Variants in ACOXL observed in about 807,000 individuals in gnomAD.
ACOXL encodes the protein acyl-coenzyme A oxidase-like protein.
Under a neutral mutation model 71.9 loss-of-function variants are expected in ACOXL, and 70 were observed. The observed-to-expected ratio is 0.97, with a 90% CI of 0.80 to 1.19. The LOEUF (loss-of-function observed/expected upper bound fraction) is 1.19, where lower values mean the gene tolerates loss of function less well. Among genes scored for constraint, ACOXL ranks in the 50% most tolerant of loss-of-function variants. The pLI is 0.00. For synonymous variants in ACOXL, 253 were observed against 281.6 expected, an observed-to-expected ratio of 0.90 and a Z score of 1.02; for missense variants, 703 against 736.3, an observed-to-expected ratio of 0.95 and a Z score of 0.52.
At chr2:110,875,696 G>T (rs1348711166) in intron 10 of ACOXL, among the ~76,000 whole-genome samples, 2 of 152,186 alleles carry the variant, frequency 1.3e-5, no homozygotes, top group Non-Finnish European at 2.9e-5. Context: ...TCCTGCAGTG[G>T]GCCCAGCTCT....
chr2:111,004,450 A>G (rs999920445), intron 14 of ACOXL, among the ~76,000 whole-genome samples: 2 of 152,132 alleles, frequency 1.3e-5, no homozygotes, highest in East Asian at 3.9e-4. Context: ...CTTTGCAATC[A>G]TTTGATAATG....
chr2:110,982,484 T>G (rs115003230), intron 12 of ACOXL, among the ~76,000 whole-genome samples: 1 of 152,052 alleles, frequency 6.6e-6, no homozygotes, highest in Non-Finnish European at 1.5e-5. Flanking sequence ...AGCCAGGGAA[T>G]TTTTAAAGAT....
chr2:110,940,273 G>A (rs1403996512), intron 12 of ACOXL, among the ~76,000 whole-genome samples: 1 of 152,178 alleles, frequency 6.6e-6, no homozygotes, highest in Non-Finnish European at 1.5e-5. Flanking sequence ...TGATCAAACA[G>A]AAAGGGTCTT....
chr2:111,054,224 G>T (rs2066427133), intron 16 of ACOXL, among the ~76,000 whole-genome samples: 1 of 152,196 alleles, frequency 6.6e-6, no homozygotes, highest in Non-Finnish European at 1.5e-5. Flanking sequence ...GGAAAATAAA[G>T]CTTGGCTTAT....
chr2:111,045,581 C>T lies in ACOXL; in HGVS notation c.1370-3637C>T, dbSNP rs2065976474. ...ACCCTGCAGAACTGTGTCAATTAAA[C>T]CTCTTTCCTTTATAAATTACCCACT... On this transcript the variant is annotated intron_variant, in intron 15 of 17. Transcript: ENST00000439055. Among the ~76,000 whole-genome samples the T allele has an allele frequency of 3.9e-5, 6 of 152,264 alleles. No individual in the cohort carries two copies. The South Asian group carries it at 1.2e-3, about 32-fold the overall frequency.
chr2:110,937,874 G>A (rs544899234), intron 12 of ACOXL, among the ~76,000 whole-genome samples: 3 of 152,304 alleles, frequency 2.0e-5, no homozygotes, highest in Admixed American at 6.5e-5. Flanking sequence ...ACCTTCCCTT[G>A]TAGAGGTTGT....
chr2:110,996,214 G>T (rs920202759), intron 14 of ACOXL, among the ~76,000 whole-genome samples: 1 of 152,090 alleles, frequency 6.6e-6, no homozygotes, highest in African/African-American at 2.4e-5. Context: ...ATGTCATCTT[G>T]TAGAATTCCA....
chr2:110,734,823 A>AT (rs1464947203), intron 1 of ACOXL, among the ~76,000 whole-genome samples: 2 of 152,038 alleles, frequency 1.3e-5, no homozygotes, highest in Non-Finnish European at 2.9e-5. Flanking sequence ...GCATGCCTGG[A>AT]TAAGGGGTCC....
intron 11 of ACOXL, among the ~76,000 whole-genome samples, chr2:110,919,060 C>A (rs2059967971): frequency 1.3e-5 from 2 of 151,766 alleles, no homozygotes; most frequent in Non-Finnish European, 2.9e-5. Context: ...TGGGTATATA[C>A]CCAAAGGATT....
intron 16 of ACOXL, among the ~76,000 whole-genome samples, chr2:111,081,402 G>A (rs2067911491): frequency 6.6e-6 from 1 of 152,136 alleles, no homozygotes; most frequent in South Asian, 2.1e-4. Context: ...GCCAAATCAT[G>A]AGTGAACTCC....
At chr2:110,983,000 C>T (rs1011021756) in intron 12 of ACOXL, among the ~76,000 whole-genome samples, 6 of 152,202 alleles carry the variant, frequency 3.9e-5, no homozygotes, top group African/African-American at 1.4e-4. Context: ...ACCTAGGGCT[C>T]CTTGGAGCAT....
chr2:110,915,196 T>C (rs1275069669), intron 11 of ACOXL, among the ~76,000 whole-genome samples: 1 of 151,876 alleles, frequency 6.6e-6, no homozygotes, highest in Admixed American at 6.6e-5. Flanking sequence ...TTCATGTATG[T>C]TCAATTTTGA....
chr2:110,947,808 C>G (rs1002962057), intron 12 of ACOXL, among the ~76,000 whole-genome samples: 2 of 152,200 alleles, frequency 1.3e-5, no homozygotes, highest in Admixed American at 1.3e-4. Context: ...AGCTGGAACT[C>G]AAGCCCAGCT....
chr2:110,990,486 GTTAT>G (rs1009422037), intron 13 of ACOXL, among the ~76,000 whole-genome samples: 9 of 151,984 alleles, frequency 5.9e-5, no homozygotes, highest in African/African-American at 1.9e-4. Context: ...CTTTCCAACT[GTTAT>G]TTATTTTATT....
chr2:110,876,535 T>G (rs1249773266), intron 10 of ACOXL, among the ~76,000 whole-genome samples: 1 of 152,176 alleles, frequency 6.6e-6, no homozygotes, highest in Admixed American at 6.5e-5. Flanking sequence ...TCACACTGTG[T>G]GCAGCTTGTC....
chr2:110,880,843 A>G (rs528818029), intron 10 of ACOXL, among the ~76,000 whole-genome samples: 32 of 152,190 alleles, frequency 2.1e-4, no homozygotes, highest in South Asian at 4.1e-4. Flanking sequence ...GACTCCATCA[A>G]TGAAACTCCT....
intron 16 of ACOXL, among the ~76,000 whole-genome samples, chr2:111,072,839 A>G (rs1184741209): frequency 6.6e-6 from 1 of 152,244 alleles, no homozygotes; most frequent in Non-Finnish European, 1.5e-5. Flanking sequence ...TTACTGGATT[A>G]TATGGCAAGC....
intron 10 of ACOXL, among the ~76,000 whole-genome samples, chr2:110,846,641 G>GCACACACACACACACACA (rs61028803): frequency 0.061 from 8,365 of 137,790 alleles, 371 homozygotes; most frequent in South Asian, 0.11. Context: ...ATGCATACAC[G>GCACACACACACACACACA]CACACACACA....
At chr2:110,937,899 A>T (rs1023673559) in intron 12 of ACOXL, among the ~76,000 whole-genome samples, 4 of 152,182 alleles carry the variant, frequency 2.6e-5, no homozygotes, top group Non-Finnish European at 5.9e-5. Context: ...GTTAAATTCT[A>T]TGCGACAAAG....
Sources: allele counts gnomAD v4.1 joint callset (sites outside exome capture counted in the v4.1 genomes callset), GRCh38; gene constraint gnomAD v4.1.1; transcripts MANE v1.5; gene names NCBI Gene and HGNC (gene_info 2026-07-23, HGNC 2026-07-21).